Variants in SOCS6 observed in about 807,000 individuals in gnomAD.
SOCS6 encodes the protein STAT induced STAT inhibitor-4.
SOCS6 carries 5 observed loss-of-function variants against 27.7 expected under a neutral mutation model. That is an observed-to-expected ratio of 0.18 (90% CI 0.09 to 0.38). The LOEUF (loss-of-function observed/expected upper bound fraction) is 0.38, where lower values mean the gene tolerates loss of function less well. SOCS6 is among the 10% of genes least tolerant of loss of function. The pLI is 1.00. For synonymous variants in SOCS6, 271 were observed against 260.0 expected (o/e 1.04, Z -0.41); for missense variants, 595 against 688.1 (o/e 0.86, Z 1.51).
intron 1 of SOCS6, among the ~76,000 whole-genome samples, chr18:70,300,316 A>G (rs1465657081): frequency 5.9e-5 from 9 of 152,032 alleles, no homozygotes; most frequent in Non-Finnish European, 1.3e-4. Context: ...TTTAGTAGAG[A>G]CAAAGTTTCA....
rs892876490 is a variant in SOCS6 at position 70,326,709 on chromosome 18, G to A, written c.*433G>A. ...TTAAATGGTCCATTTTCAAAAGACA[G>A]TGTTGAATAAACATACCTGTGTGAT... On this transcript the variant is annotated 3_prime_UTR_variant, in exon 2 of 2. Coordinates refer to ENST00000397942, the MANE Select transcript of SOCS6 (RefSeq NM_004232.4). The A allele has an allele frequency of 5.5e-6, 1 of 181,446 alleles. No homozygotes were observed. The highest frequency in any genetic ancestry group is 2.4e-5 in the African/African-American group (1 of 41,600). The allele number at this position is 181,446 out of a possible 1,614,324, so 11.2% of individuals were successfully genotyped here.
intron 1 of SOCS6, chr18:70,296,712 T>C (rs1007411034): frequency 3.3e-5 from 5 of 152,218 alleles, no homozygotes; most frequent in Admixed American, 2.6e-4. Context: ...CCCTGGAAGC[T>C]TTTGGGGGAC....
intron 1 of SOCS6, among the ~76,000 whole-genome samples, chr18:70,303,841 A>G (rs2062358339): frequency 6.6e-6 from 1 of 152,210 alleles, no homozygotes; most frequent in African/African-American, 2.4e-5. Flanking sequence ...CAATCAATAC[A>G]ACCATTTAGA....
intron 1 of SOCS6, among the ~76,000 whole-genome samples, chr18:70,303,471 A>G (rs983321812): frequency 6.6e-6 from 1 of 152,266 alleles, no homozygotes; most frequent in South Asian, 2.1e-4. Context: ...TTTCAGTTGC[A>G]TATTGCCAAA....
intron 1 of SOCS6, among the ~76,000 whole-genome samples, chr18:70,320,924 T>C (rs1910962003): frequency 6.6e-6 from 1 of 152,224 alleles, no homozygotes; most frequent in Admixed American, 6.5e-5. Flanking sequence ...ATTTTTATTA[T>C]CATTCATGAA....
intron 1 of SOCS6, among the ~76,000 whole-genome samples, chr18:70,297,003 CTGT>C (rs755251752): frequency 0.1 from 12,729 of 121,904 alleles, 602 homozygotes; most frequent in Middle Eastern, 0.2. Flanking sequence ...TTTTTCTTGT[CTGT>C]TGTTGTTGTT....
chr18:70,314,051 C>A (rs753538730), intron 1 of SOCS6: 16 of 152,016 alleles, frequency 1.1e-4, no homozygotes, highest in Non-Finnish European at 1.9e-4. Context: ...TAAATAGGAT[C>A]TAGTCTTTTA....
chr18:70,325,856 G>C lies in SOCS6; in HGVS notation c.1188G>C (p.Gly396=). ...CAATCACACGTTGGGAGGCAGAAGG[G>C]AAGCTAGCAAACGTGCCAGATGGTT... ...WGPITRWEAE[G]KLANVPDGSF... Residue 396 remains glycine, a synonymous_variant, in exon 2 of 2, where the codon GGG becomes GGC. Coordinates refer to ENST00000397942, the MANE Select transcript of SOCS6 (RefSeq NM_004232.4). This position sits in a 1 kb window ranked among gnomAD's most constrained non-coding sequence, Gnocchi z 6.3. 1.2e-6 allele frequency: 2 copies of C among 1,614,218 alleles called. No individual in the cohort carries two copies. Among genetic ancestry groups the C allele is most frequent in the South Asian group, 1.1e-5 (1 of 91,088 alleles).
At chr18:70,312,301 A>C (rs2062393825) in intron 1 of SOCS6, among the ~76,000 whole-genome samples, 1 of 152,154 alleles carries the variant, frequency 6.6e-6, no homozygotes, top group South Asian at 2.1e-4. Flanking sequence ...GTCAATGATC[A>C]AGTAATGTTT....
intron 1 of SOCS6, among the ~76,000 whole-genome samples, chr18:70,303,423 A>G (rs2062356739): frequency 6.6e-6 from 1 of 152,156 alleles, no homozygotes; most frequent in African/African-American, 2.4e-5. Flanking sequence ...TTTAATATTT[A>G]TAAAAACAGC....
Position 70,325,457 on chromosome 18 carries a change from C to A in SOCS6, c.789C>A (p.Pro263=), listed in dbSNP as rs747854632. Residue 263 remains proline (P), a synonymous_variant, in exon 2 of 2, where the codon CCC becomes CCA. Coordinates refer to ENST00000397942, the MANE Select transcript of SOCS6 (RefSeq NM_004232.4). The surrounding 1 kb of genome is among the most constrained non-coding windows in gnomAD (Gnocchi z 6.3). ...CTCAAGTGGGAGGGCGCGCTTTCCC[C>A]GAGGATGAGAGTCAGGTAGACCAGG... ...VPPQVGGRAF[P]EDESQVDQDL... is the part of the protein sequence containing the mutation. 6.2e-7 allele frequency: 1 copy of A among 1,614,114 alleles called. No homozygotes were observed. Among genetic ancestry groups the A allele is most frequent in the Non-Finnish European group, 8.5e-7 (1 of 1,180,022 alleles).
intron 1 of SOCS6, among the ~76,000 whole-genome samples, chr18:70,290,107 C>T (rs2062292263): frequency 1.3e-5 from 2 of 152,188 alleles, no homozygotes; most frequent in Non-Finnish European, 2.9e-5. Context: ...GTTTCTGCAA[C>T]GTCTGCCCGG....
intron 1 of SOCS6, among the ~76,000 whole-genome samples, chr18:70,300,357 G>A (rs192126518): frequency 6.6e-6 from 1 of 152,262 alleles, no homozygotes; most frequent in African/African-American, 2.4e-5. Context: ...TCGAACACCT[G>A]ACCTCAAGTG....
At chr18:70,310,278 TGG>T (rs1186123993) in intron 1 of SOCS6, among the ~76,000 whole-genome samples, 3 of 149,270 alleles carry the variant, frequency 2.0e-5, no homozygotes, top group Non-Finnish European at 4.4e-5. Flanking sequence ...TTTTCATAAA[TGG>T]TTTTTTTTTT....
chr18:70,294,451 C>G (rs2062314690), intron 1 of SOCS6, among the ~76,000 whole-genome samples: 1 of 151,460 alleles, frequency 6.6e-6, no homozygotes, highest in African/African-American at 2.4e-5. Context: ...TCTCCTCACC[C>G]CCTCTTTTAT....
rs568406774 is a variant in SOCS6 at position 70,324,059 on chromosome 18, T to C, written c.-126-484T>C. Among the ~76,000 whole-genome samples, 19 of 152,160 alleles carry C rather than the reference T, an allele frequency of 1.2e-4. No individual in the cohort carries two copies. In the East Asian group the frequency reaches 2.7e-3, roughly 22 times the overall value. Reference sequence around the variant, plus strand: ...TAGCTCAGCCTGTAATCCCAGCACTTTGGGAGGCCGAGGCGGGCGGATCAT... The same window carrying C: ...TAGCTCAGCCTGTAATCCCAGCACTCTGGGAGGCCGAGGCGGGCGGATCAT... On this transcript the variant is annotated intron_variant, in intron 1 of 1. Transcript: ENST00000397942.
Position 70,300,734 on chromosome 18 carries a change from T to A in SOCS6, c.-127+11644T>A, listed in dbSNP as rs577655089. Among the ~76,000 whole-genome samples, 62 of 152,322 alleles carry A rather than the reference T, an allele frequency of 4.1e-4. No homozygotes were observed. In the South Asian group the frequency reaches 6.0e-3, roughly 15 times the overall value. ...AATTTAAGCTAGTGCTACCCCATAC[T>A]TTTGTGTCAATAGCCTATAAAGTAG... is the stretch of plus-strand genomic sequence containing the variant. On this transcript the variant is annotated intron_variant, in intron 1 of 1. Transcript: ENST00000397942.
rs1911153397 is a variant in SOCS6, at chr18:70,325,239, C to T, written c.571C>T (p.Leu191=). The change falls in exon 2 of 2, where the codon CTG becomes TTG. Residue 191 remains leucine, a synonymous_variant. Transcript: ENST00000397942. This position sits in a 1 kb window ranked among gnomAD's most constrained non-coding sequence, Gnocchi z 6.3. ...ETTCQEQANS[L]KSSASHNGDL... The stretch of plus-strand genomic sequence containing the variant: ...CACGTGCCAGGAGCAAGCCAATTCA[C>T]TGAAGAGCTCGGCTTCTCATAATGG... 1 of 1,614,206 alleles carries T rather than the reference C, an allele frequency of 6.2e-7. No homozygotes were observed.
intron 1 of SOCS6, among the ~76,000 whole-genome samples, chr18:70,296,017 G>T (rs1040240979): frequency 6.6e-6 from 1 of 152,174 alleles, no homozygotes; most frequent in Non-Finnish European, 1.5e-5. Context: ...GATACAGAAG[G>T]CAGGAACAGT....
Sources: gnomAD v4.1 joint callset for allele counts (sites outside exome capture counted in the v4.1 genomes callset) on GRCh38, gnomAD v4.1.1 for gene constraint, Gnocchi (gnomAD v3.1) non-coding constraint, MANE v1.5 for transcripts, NCBI Gene and HGNC (gene_info 2026-07-23, HGNC 2026-07-21) for gene names.